Variants in NAV2 observed in about 807,000 individuals in gnomAD.
NAV2 encodes neuron navigator 2, also known as helicase, APC down-regulated 1.
NAV2 carries 54 observed loss-of-function variants against 223.2 expected under a neutral mutation model. The observed-to-expected ratio is 0.24, with a 90% confidence interval of 0.19 to 0.30. The LOEUF is 0.30. Among genes scored for constraint, NAV2 ranks in the 10% least tolerant of loss-of-function variants. The pLI is 1.00. For synonymous variants in NAV2, 1,279 were observed against 1,239.3 expected (o/e 1.03, Z -0.67); for missense variants, 2,806 against 3,147.5 (o/e 0.89, Z 2.60).
At chr11:19,403,554 T>C (rs1013407758) in intron 1 of NAV2, among the ~76,000 whole-genome samples, 1 of 152,088 alleles carries the variant, frequency 6.6e-6, no homozygotes, top group African/African-American at 2.4e-5. Flanking sequence ...CGGCACACGA[T>C]GTGGGGATCA....
Position 20,045,053 on chromosome 11 carries a change from C to A in NAV2, c.3285C>A (p.Gly1095=). Residue 1095 remains glycine (G), a synonymous_variant, in exon 14 of 38, where the codon GGC becomes GGA. Coordinates refer to ENST00000349880, the MANE Select transcript of NAV2 (RefSeq NM_145117.5). ...TGAAGCGCTCCCCATCAGATGCAGG[C>A]CGGAGCAGTGGTGACGAATCCAAAA... ...SQVKRSPSDA[G]RSSGDESKKP... is the part of the protein sequence containing the mutation. The A allele has an allele frequency of 6.2e-7, 1 of 1,614,116 alleles. No individual in the cohort carries two copies. The highest frequency in any genetic ancestry group is 1.3e-5 in the African/African-American group (1 of 75,016).
At chr11:19,345,276 G>A in the NAV2 span, among the ~76,000 whole-genome samples, 5 of 152,238 alleles carry the variant, frequency 3.3e-5, no homozygotes, top group Non-Finnish European at 2.9e-5. The surrounding 1 kb of genome is among the most constrained non-coding windows in gnomAD (Gnocchi z 5.2). Context: ...GAGACCGGCT[G>A]GAGGAGGCGG....
chr11:19,473,772 T>C (rs2042034909), intron 1 of NAV2, among the ~76,000 whole-genome samples: 1 of 152,172 alleles, frequency 6.6e-6, no homozygotes, highest in African/African-American at 2.4e-5. Flanking sequence ...TGATGACTGA[T>C]AGTACATAAC....
At chr11:19,453,915 G>C (rs1248718172) in intron 1 of NAV2, among the ~76,000 whole-genome samples, 5 of 152,160 alleles carry the variant, frequency 3.3e-5, no homozygotes, top group Admixed American at 3.3e-4. Flanking sequence ...TTTATGTTGG[G>C]GGAGGCCATT....
At chr11:19,518,849 C>T (rs573359800) in intron 1 of NAV2, among the ~76,000 whole-genome samples, 2 of 152,098 alleles carry the variant, frequency 1.3e-5, no homozygotes, top group African/African-American at 2.4e-5. Flanking sequence ...GATTAGGAGG[C>T]GGGGCCTTTG....
chr11:19,712,563 T>G (rs1239703638), upstream of NAV2: 1 of 152,016 alleles, frequency 6.6e-6, no homozygotes, highest in Non-Finnish European at 1.5e-5. Flanking sequence ...GACGGTTGCG[T>G]TCGAAAGGGC....
At position 19,528,630 on chromosome 11, in the gene NAV2, C is replaced by CCAGATTGTTGAATTCCCAATAA. The variant is rs11283940; in HGVS notation, c.75+177605_75+177606insGATTGTTGAATTCCCAATAACA. 6.5e-3 allele frequency among the ~76,000 whole-genome samples: 987 copies of CCAGATTGTTGAATTCCCAATAA among 152,202 alleles called. 9 individuals are homozygous for CCAGATTGTTGAATTCCCAATAA. Among genetic ancestry groups the CCAGATTGTTGAATTCCCAATAA allele is most frequent in the African/African-American group, 0.023 (957 of 41,536 alleles). ...TAAAAAGTCTATAAAACAGTGGTTC[C>CCAGATTGTTGAATTCCCAATAA]CATTTTTTAAGAATGGGAAGGCCGG... On this transcript the variant is annotated intron_variant, in intron 1 of 37. Coordinates refer to the NAV2 transcript ENST00000360655.
chr11:19,789,103 A>G (rs1017020619), intron 1 of NAV2, among the ~76,000 whole-genome samples: 4 of 152,144 alleles, frequency 2.6e-5, no homozygotes, highest in East Asian at 1.9e-4. Context: ...GAATCTCTTC[A>G]TCTTTCTTGA....
intron 1 of NAV2, among the ~76,000 whole-genome samples, chr11:19,354,266 T>G (rs1241411973): frequency 6.6e-6 from 1 of 152,252 alleles, no homozygotes; most frequent in Admixed American, 6.5e-5. Context: ...CAACAGAACT[T>G]CCTGCAATGA....
chr11:19,713,921 C>T lies in NAV2; in HGVS notation c.226C>T (p.Leu76=). 1 of 1,613,574 alleles carries T rather than the reference C, an allele frequency of 6.2e-7. No homozygotes were observed. The highest frequency in any genetic ancestry group is 8.5e-7 in the Non-Finnish European group (1 of 1,179,980). The stretch of plus-strand genomic sequence containing the variant: ...GGAGCCAGCGGGGGAGGGGCTCCCG[C>T]TGCGGAAGAGCGGCTCGGTGGAAAA... ...LQEPAGEGLP[L]RKSGSVENGF... is the part of the protein sequence containing the mutation. The change falls in exon 1 of 38, where the codon CTG becomes TTG. Residue 76 remains leucine, a synonymous_variant. Transcript: ENST00000349880. The surrounding 1 kb of genome is among the most constrained non-coding windows in gnomAD (Gnocchi z 7.2).
chr11:19,557,245 G>A (rs908572642), intron 1 of NAV2, among the ~76,000 whole-genome samples: 1 of 152,164 alleles, frequency 6.6e-6, no homozygotes, highest in African/African-American at 2.4e-5. Flanking sequence ...TGATGCCAGC[G>A]GAGGTTAAGA....
chr11:19,520,091 G>A (rs1238530292), intron 1 of NAV2, among the ~76,000 whole-genome samples: 6 of 152,178 alleles, frequency 3.9e-5, no homozygotes, highest in African/African-American at 1.4e-4. Flanking sequence ...TTCTTTGCTG[G>A]ACCAAAGGAG....
At chr11:19,686,759 C>T (rs902420464) in intron 1 of NAV2, among the ~76,000 whole-genome samples, 13 of 152,204 alleles carry the variant, frequency 8.5e-5, no homozygotes. Flanking sequence ...TGGCTCTGAC[C>T]TTCAATAAGA....
At chr11:19,623,689 G>A (rs544821923) in intron 1 of NAV2, among the ~76,000 whole-genome samples, 19 of 152,248 alleles carry the variant, frequency 1.2e-4, no homozygotes, top group African/African-American at 4.6e-4. Flanking sequence ...AAGGTTTTTA[G>A]CTTCTTTGCG....
chr11:19,583,525 A>C (rs1001767024), intron 1 of NAV2, among the ~76,000 whole-genome samples: 10 of 152,222 alleles, frequency 6.6e-5, no homozygotes, highest in African/African-American at 2.4e-4. Context: ...TGTCATAGAT[A>C]GCTCTTATTA....
intron 1 of NAV2, among the ~76,000 whole-genome samples, chr11:19,815,583 G>A (rs189484075): frequency 1.6e-4 from 25 of 152,330 alleles, no homozygotes; most frequent in Non-Finnish European, 2.4e-4. Flanking sequence ...AGGAACACAA[G>A]GCTCCTTCCA....
intron 19 of NAV2, among the ~76,000 whole-genome samples, chr11:20,060,621 C>A (rs1220529753): frequency 2.0e-5 from 3 of 152,156 alleles, no homozygotes; most frequent in Non-Finnish European, 2.9e-5. Context: ...GAATAGCAAG[C>A]CAAGAGTTAC....
intron 1 of NAV2, among the ~76,000 whole-genome samples, chr11:19,451,666 A>G (rs1172636769): frequency 6.6e-6 from 1 of 152,206 alleles, no homozygotes; most frequent in Non-Finnish European, 1.5e-5. Context: ...CCTGGTCTGG[A>G]GAATTGAAAG....
rs563665560 is a variant in NAV2, at chr11:19,385,997, C to T, written c.75+34970C>T. Among the ~76,000 whole-genome samples, 20 of 152,262 alleles carry T rather than the reference C, an allele frequency of 1.3e-4. No homozygotes were observed. In the Middle Eastern group the frequency reaches 0.01, roughly 78 times the overall value. ...GCCAGGATGGTCTTGATCTCCTGAC[C>T]TCATGATCCACCCGCCCTGGCCTCC... is the stretch of plus-strand genomic sequence containing the variant. On this transcript the variant is annotated intron_variant, in intron 1 of 37. Transcript: ENST00000360655.
Sources: gnomAD v4.1 joint callset for allele counts (sites outside exome capture counted in the v4.1 genomes callset) on GRCh38, gnomAD v4.1.1 for gene constraint, Gnocchi (gnomAD v3.1) non-coding constraint, MANE v1.5 for transcripts, NCBI Gene and HGNC (gene_info 2026-07-23, HGNC 2026-07-21) for gene names.